The following FAT3 variants were observed in gnomAD, a reference collection of about 807,000 sequenced individuals.
FAT3 encodes FAT atypical cadherin 3.
FAT3 carries 95 observed loss-of-function variants against 310.2 expected under a neutral mutation model. The ratio of observed to expected loss-of-function variants is 0.31; its 90% CI spans 0.26 to 0.36. FAT3 has a LOEUF of 0.36. Among genes scored for constraint, FAT3 ranks in the 10% least tolerant of loss-of-function variants. FAT3 has a pLI of 1.00. For synonymous variants in FAT3, 2,314 were observed against 2,192.9 expected, an observed-to-expected ratio of 1.06 and a Z score of -1.54; for missense variants, 5,408 against 5,715.6, an observed-to-expected ratio of 0.95 and a Z score of 1.74.
Position 92,805,324 on chromosome 11 carries a change from A to AT in FAT3, c.9069dup (p.Asp3024Ter). The AT allele has an allele frequency of 6.2e-7, 1 of 1,613,696 alleles. No homozygotes were observed. The highest frequency in any genetic ancestry group is 8.5e-7 in the Non-Finnish European group (1 of 1,179,752). On this transcript the variant is annotated frameshift_variant, in exon 11 of 28. Transcript: ENST00000525166. LOFTEE classifies it high-confidence loss of function. ...GTGGAAGTGAGCGTCAGTGATGTGA[A>AT]TGACAATAGCCCAGTGTGTGATCAG... is the stretch of plus-strand genomic sequence containing the variant.
intron 1 of FAT3, among the ~76,000 whole-genome samples, chr11:92,297,606 G>A (rs1426142698): frequency 6.6e-6 from 1 of 152,106 alleles, no homozygotes; most frequent in Non-Finnish European, 1.5e-5. Context: ...ACCAAGAGCA[G>A]TAAAGAGCTT....
intron 20 of FAT3, 71 bp downstream of exon 20, chr11:92,857,419 A>G: frequency 1.3e-6 from 2 of 1,596,338 alleles, no homozygotes; most frequent in Non-Finnish European, 1.7e-6. Flanking sequence ...AGTAAATTAC[A>G]CCATCCAAGT....
chr11:92,730,875 C>T (rs1591658052), intron 4 of FAT3, among the ~76,000 whole-genome samples: 1 of 152,016 alleles, frequency 6.6e-6, no homozygotes, highest in African/African-American at 2.4e-5. Context: ...TTTCATCCCC[C>T]TGCCTTTATC....
chr11:92,845,262 C>T (rs1948657384), intron 19 of FAT3, among the ~76,000 whole-genome samples: 1 of 152,224 alleles, frequency 6.6e-6, no homozygotes, highest in African/African-American at 2.4e-5. Context: ...TAGAAATTAT[C>T]CCAAGGCAGT....
Position 92,353,252 on chromosome 11 carries a change from G to C in FAT3, c.1140G>C (p.Val380=). The C allele has an allele frequency of 6.2e-7, 1 of 1,613,750 alleles. No individual in the cohort carries two copies. The highest frequency in any genetic ancestry group is 8.5e-7 in the Non-Finnish European group (1 of 1,179,860). The part of the protein sequence containing the change: ...DTVPIRFEKE[V]YDVSISEFSP... ...TCCCCATTAGATTTGAAAAAGAAGT[G>C]TACGATGTGAGCATAAGTGAATTTT... Residue 380 remains valine (V), a synonymous_variant, in exon 2 of 28, where the codon GTG becomes GTC. Coordinates refer to ENST00000525166, the MANE Select transcript of FAT3 (RefSeq NM_001367949.2).
chr11:92,243,465 TA>T (rs201618017), intron 1 of FAT3, among the ~76,000 whole-genome samples: 22 of 148,632 alleles, frequency 1.5e-4, no homozygotes, highest in South Asian at 2.1e-4. Context: ...AGCCTTGATT[TA>T]AAAAAAAAAG....
intron 8 of FAT3, among the ~76,000 whole-genome samples, chr11:92,791,708 C>A (rs1450956873): frequency 6.6e-6 from 1 of 152,148 alleles, no homozygotes; most frequent in Non-Finnish European, 1.5e-5. Context: ...TTTCTAATTT[C>A]TTCACATCTC....
At chr11:92,376,298 G>T (rs1949343077) in intron 2 of FAT3, among the ~76,000 whole-genome samples, 1 of 152,126 alleles carries the variant, frequency 6.6e-6, no homozygotes, top group Admixed American at 6.5e-5. Flanking sequence ...AACCAAAGCA[G>T]TTTCTCCAGC....
chr11:92,743,033 A>G (rs1446038111), intron 4 of FAT3, among the ~76,000 whole-genome samples: 1 of 152,192 alleles, frequency 6.6e-6, no homozygotes, highest in South Asian at 2.1e-4. Context: ...GTAATTAAGC[A>G]CTTCTTAAAG....
chr11:92,281,330 T>G (rs1291066526), intron 1 of FAT3, among the ~76,000 whole-genome samples: 1 of 152,176 alleles, frequency 6.6e-6, no homozygotes, highest in Non-Finnish European at 1.5e-5. Context: ...TTTTTATATC[T>G]TTATATTTAT....
In FAT3 at chr11:92,354,560, G is replaced by T. The variant is rs2134643794; in HGVS notation, c.2448G>T (p.Leu816=). ...ATCCACAGAAATCGTCATGGAGACT[G>T]CTGACCATCAATGTGGAGGATGCTA... The part of the protein sequence containing the change: ...LGNPQKSSWR[L]LTINVEDAND... The change falls in exon 2 of 28, where the codon CTG becomes CTT. Residue 816 remains leucine (L), a synonymous_variant. Transcript: ENST00000525166. 6.2e-7 allele frequency: 1 copy of T among 1,613,812 alleles called. No individual in the cohort carries two copies. The highest frequency in any genetic ancestry group is 1.1e-5 in the South Asian group (1 of 91,080).
chr11:92,720,947 T>C (rs1395177111), intron 4 of FAT3, among the ~76,000 whole-genome samples: 1 of 152,220 alleles, frequency 6.6e-6, no homozygotes, highest in African/African-American at 2.4e-5. Flanking sequence ...CTTTTGTTTT[T>C]CAACTTTTAT....
chr11:92,759,058 A>C (rs1224539706), intron 4 of FAT3, among the ~76,000 whole-genome samples: 3 of 152,212 alleles, frequency 2.0e-5, no homozygotes, highest in Non-Finnish European at 2.9e-5. Context: ...CAAGAGATAC[A>C]CATTGGAGAA....
rs548309005 is a variant in FAT3, at chr11:92,617,597, C to T, written c.3608-79787C>T. On this transcript the variant is annotated intron_variant, in intron 3 of 27. Transcript: ENST00000525166. ...ATTATCAGGTTTTCTGCTCTGGTTT[C>T]TCCCCATCTTTATGGTTTTATCTAC... Among the ~76,000 whole-genome samples, 89 of 152,298 alleles carry T rather than the reference C, an allele frequency of 5.8e-4. 1 individual carries two copies. The highest frequency in any genetic ancestry group is 1.0e-3 in the Non-Finnish European group (68 of 68,022).
rs774176716 is a variant in FAT3 at position 92,353,576 on chromosome 11, A to G, written c.1464A>G (p.Gly488=). 1.9e-6 allele frequency: 3 copies of G among 1,613,720 alleles called. No individual in the cohort carries two copies. In the African/African-American group the frequency reaches 4.0e-5, roughly 22 times the overall value. ...ATGTGAATGAAAGTGTCCCAGTGGG[A>G]ACCAGCGTTCTAACAGTTTCAGCTT... is the stretch of plus-strand genomic sequence containing the variant. ...DAYVNESVPV[G]TSVLTVSASD... The change falls in exon 2 of 28, where the codon GGA becomes GGG. Residue 488 remains glycine, a synonymous_variant. Transcript: ENST00000525166.
rs7111272 is a variant in FAT3 at position 92,767,949 on chromosome 11, G to A, written c.4195+2860G>A. ...GACCTTCCACTGTGCTACTGGCCAC[G>A]GCAACCTACACACTATGCACCTTTG... is the stretch of plus-strand genomic sequence containing the variant. On this transcript the variant is annotated intron_variant, in intron 6 of 27. Transcript: ENST00000525166. 4.0e-3 allele frequency among the ~76,000 whole-genome samples: 608 copies of A among 152,068 alleles called. 3 individuals are homozygous for A. Among genetic ancestry groups the A allele is most frequent in the African/African-American group, 0.014 (570 of 41,468 alleles).
At chr11:92,406,040 T>C (rs1453131538) in intron 2 of FAT3, among the ~76,000 whole-genome samples, 2 of 152,236 alleles carry the variant, frequency 1.3e-5, no homozygotes, top group Admixed American at 6.5e-5. Flanking sequence ...TGTCTTGTTA[T>C]TGTAAAAGCT....
chr11:92,855,756 A>G (rs1434346795), intron 19 of FAT3, among the ~76,000 whole-genome samples: 2 of 152,110 alleles, frequency 1.3e-5, no homozygotes, highest in African/African-American at 4.8e-5. Flanking sequence ...TCAGTTAAAA[A>G]CGCCTTCATC....
At chr11:92,302,981 C>T (rs115402626) in intron 1 of FAT3, among the ~76,000 whole-genome samples, 2,659 of 152,098 alleles carry the variant, frequency 0.017, 75 homozygotes, top group African/African-American at 0.06. Flanking sequence ...AGGTTGGTAG[C>T]ACTATTCAGG....
Sources: gnomAD v4.1 joint callset for allele counts (sites outside exome capture counted in the v4.1 genomes callset) on GRCh38, gnomAD v4.1.1 for gene constraint, MANE v1.5 for transcripts, NCBI Gene and HGNC (gene_info 2026-07-23, HGNC 2026-07-21) for gene names.